HOOK3: variants seen among roughly 807,000 people sequenced by gnomAD.
The protein encoded by HOOK3 is hook microtubule tethering protein 3, also known as protein Hook homolog 3.
Under a neutral mutation model 116.3 loss-of-function variants are expected in HOOK3, and 24 were observed. The ratio of observed to expected loss-of-function variants is 0.21; its 90% CI spans 0.15 to 0.29. HOOK3 has a LOEUF of 0.29. HOOK3 is among the 10% of genes least tolerant of loss of function. The probability of loss-of-function intolerance (pLI) is 1.00; values close to 1 mark genes in which losing one functional copy is unlikely to be tolerated. For synonymous variants in HOOK3, 275 were observed against 283.0 expected, an observed-to-expected ratio of 0.97 and a Z score of 0.28; for missense variants, 632 against 830.2, an observed-to-expected ratio of 0.76 and a Z score of 2.93.
At position 43,028,569 on chromosome 8, in the gene HOOK3, C is replaced by G. The variant is rs1809974434; in HGVS notation, c.*10071C>G. On this transcript the variant is annotated 3_prime_UTR_variant, in exon 22 of 22. Coordinates refer to ENST00000307602, the MANE Select transcript of HOOK3 (RefSeq NM_032410.4). ...CCTCAAAGGTACATCAAGATGCAAA[C>G]AATTTTTTTATCTTCATAACTTCCT... is the stretch of plus-strand genomic sequence containing the variant. 5.3e-6 allele frequency: 1 copy of G among 188,442 alleles called. No individual in the cohort carries two copies. The highest frequency in any genetic ancestry group is 6.2e-5 in the Admixed American group (1 of 16,164). 11.7% of individuals were successfully genotyped at this position (188,442 alleles called of 1,614,324 possible). A position where few individuals can be genotyped will look rare whatever the true frequency, so the allele number is the denominator to read the frequency against.
At chr8:43,008,048 T>C in intron 18 of HOOK3, 119 bp downstream of exon 18, 92 of 345,780 alleles carry the variant, frequency 2.7e-4, no homozygotes, top group South Asian at 3.9e-4. Flanking sequence ...TGAGATGAAG[T>C]CTCACTCTCA....
At chr8:42,984,915 T>C (rs1809022521) in intron 14 of HOOK3, among the ~76,000 whole-genome samples, 1 of 152,056 alleles carries the variant, frequency 6.6e-6, no homozygotes. Context: ...AAAAGAACAA[T>C]GATGATAAAG....
intron 13 of HOOK3, among the ~76,000 whole-genome samples, chr8:42,981,641 T>C (rs1808945642): frequency 6.6e-6 from 1 of 152,048 alleles, no homozygotes; most frequent in Admixed American, 6.5e-5. Flanking sequence ...CCCAGCACTT[T>C]GGGAGGCTGA....
At chr8:42,928,323 C>T (rs997367276) in intron 3 of HOOK3, among the ~76,000 whole-genome samples, 18 of 150,854 alleles carry the variant, frequency 1.2e-4, no homozygotes, top group African/African-American at 3.7e-4. Context: ...TGGTGCCGGG[C>T]GCCTGTAATT....
At chr8:43,006,607 A>C (rs1218215884) in intron 17 of HOOK3, among the ~76,000 whole-genome samples, 1 of 152,120 alleles carries the variant, frequency 6.6e-6, no homozygotes, top group Non-Finnish European at 1.5e-5. Flanking sequence ...ACAGGCATGA[A>C]CCACTGTGCC....
intron 17 of HOOK3, among the ~76,000 whole-genome samples, chr8:43,003,689 C>G (rs969427867): frequency 6.6e-6 from 1 of 152,160 alleles, no homozygotes; most frequent in South Asian, 2.1e-4. Flanking sequence ...ACCAAGGTGG[C>G]AGCAGGCTGG....
intron 4 of HOOK3, among the ~76,000 whole-genome samples, chr8:42,941,473 G>A (rs1454429569): frequency 6.3e-5 from 9 of 142,642 alleles, no homozygotes; most frequent in Non-Finnish European, 7.5e-5. Context: ...AGCCAAGGTC[G>A]CGCCACTGCA....
chr8:42,940,296 A>G (rs1360064866), intron 4 of HOOK3, among the ~76,000 whole-genome samples: 1 of 152,214 alleles, frequency 6.6e-6, no homozygotes, highest in African/African-American at 2.4e-5. Flanking sequence ...CCCGGCCAAC[A>G]CAGCGAAACC....
chr8:42,974,147 A>G lies in HOOK3; in HGVS notation c.1274A>G (p.Glu425Gly). The change falls in exon 13 of 22, where the codon GAA becomes GGA. Residue 425 changes from glutamate (E) to glycine (G), a missense_variant. This residue lies in a region of HOOK3 where 483 missense variants were observed against 648.1 expected (regional missense o/e 0.75). Coordinates refer to ENST00000307602, the MANE Select transcript of HOOK3 (RefSeq NM_032410.4). ...AGGGATTCTCTGAAGGAAACCATTG[A>G]AGAGCTTCGTTGTGTACAAGCTCAA... is the stretch of plus-strand genomic sequence containing the variant. ...TERDSLKETI[E>G]ELRCVQAQEG... 1 of 1,614,154 alleles carries G rather than the reference A, an allele frequency of 6.2e-7. No homozygotes were observed. The highest frequency in any genetic ancestry group is 8.5e-7 in the Non-Finnish European group (1 of 1,179,964).
intron 15 of HOOK3, among the ~76,000 whole-genome samples, chr8:42,995,573 T>G (rs1809249185): frequency 6.6e-6 from 1 of 152,204 alleles, no homozygotes. Flanking sequence ...TCACATTCTT[T>G]CTAGACAATA....
intron 4 of HOOK3, among the ~76,000 whole-genome samples, chr8:42,930,554 A>G (rs1245000943): frequency 2.0e-5 from 3 of 152,202 alleles, no homozygotes; most frequent in Non-Finnish European, 2.9e-5. Flanking sequence ...CTGAGTCTGC[A>G]TCAGAACAGT....
chr8:42,961,329 T>A (rs374992074), intron 8 of HOOK3, among the ~76,000 whole-genome samples: 4 of 152,394 alleles, frequency 2.6e-5, no homozygotes, highest in African/African-American at 4.8e-5. Context: ...TTTTTACTTA[T>A]AATTTGTTTT....
chr8:43,002,261 A>G (rs534657240), intron 17 of HOOK3, 120 bp downstream of exon 17: 1 of 679,832 alleles, frequency 1.5e-6, no homozygotes, highest in Non-Finnish European at 2.6e-6. Context: ...AGAAAATTAT[A>G]ATACATATTA....
At chr8:42,984,730 T>C (rs1206331164) in intron 14 of HOOK3, among the ~76,000 whole-genome samples, 2 of 152,062 alleles carry the variant, frequency 1.3e-5, no homozygotes, top group Non-Finnish European at 2.9e-5. Flanking sequence ...GGCAAAACCC[T>C]GTCACTGCTA....
intron 13 of HOOK3, 32 bp downstream of exon 13, chr8:42,974,226 A>G: frequency 6.7e-7 from 1 of 1,498,506 alleles, no homozygotes; most frequent in Non-Finnish European, 9.3e-7. Flanking sequence ...AAACCAGATG[A>G]TTTCTTTTTT....
rs532224252 is a variant in HOOK3 at position 42,972,571 on chromosome 8, G to C, written c.1123-718G>C. ...TGACATGTGCCACCACACCCAGCTAGTTTTTAAATTGTAGAGACTGGGTCT... is the reference window on the plus strand; with the variant it reads ...TGACATGTGCCACCACACCCAGCTACTTTTTAAATTGTAGAGACTGGGTCT... On this transcript the variant is annotated intron_variant, in intron 11 of 21. Transcript: ENST00000307602. Among the ~76,000 whole-genome samples the C allele has an allele frequency of 3.3e-5, 5 of 152,172 alleles. No individual in the cohort carries two copies. In the East Asian group the frequency reaches 7.7e-4, roughly 24 times the overall value.
At chr8:42,956,616 G>A (rs893386941) in intron 6 of HOOK3, among the ~76,000 whole-genome samples, 2 of 151,514 alleles carry the variant, frequency 1.3e-5, no homozygotes, top group African/African-American at 2.4e-5. Context: ...GAGGAATCTC[G>A]CCCTGTCGCC....
chr8:43,007,982 T>C, intron 18 of HOOK3, 53 bp downstream of exon 18: 1 of 762,956 alleles, frequency 1.3e-6, no homozygotes, highest in East Asian at 2.7e-5. Context: ...TATACTGCCA[T>C]AGTGATAGTG....
At chr8:42,959,141 G>T (rs925761828) in intron 7 of HOOK3, 90 bp from the exon 8 acceptor site, 9 of 796,294 alleles carry the variant, frequency 1.1e-5, no homozygotes, top group African/African-American at 1.1e-4. Flanking sequence ...GGAAAGACAG[G>T]GGGGAGATGT....
Sources: gnomAD v4.1 joint callset for allele counts (sites outside exome capture counted in the v4.1 genomes callset) on GRCh38, gnomAD v4.1.1 for gene constraint, gnomAD v4.1.1 regional missense constraint, MANE v1.5 for transcripts, NCBI Gene and HGNC (gene_info 2026-07-23, HGNC 2026-07-21) for gene names.